The following RGS8 variants were observed in gnomAD, a reference collection of about 807,000 sequenced individuals.
The protein encoded by RGS8 is regulator of G protein signaling 8.
In RGS8, 8 loss-of-function variants were observed where a neutral mutation model predicts 21.7. The observed-to-expected ratio is 0.37, with a 90% confidence interval of 0.22 to 0.66. The LOEUF is 0.66. Among genes scored for constraint, RGS8 ranks in the 30% least tolerant of loss-of-function variants. RGS8 has a pLI of 0.59. For missense variants in RGS8, 157 were observed against 217.9 expected, an observed-to-expected ratio of 0.72 and a Z score of 1.76; for synonymous variants, 80 against 83.6, an observed-to-expected ratio of 0.96 and a Z score of 0.24.
chr1:182,742,574 C>T, the RGS8 span, among the ~76,000 whole-genome samples: 6 of 152,160 alleles, frequency 3.9e-5, no homozygotes, highest in African/African-American at 7.2e-5. Context: ...CCGTCACCAC[C>T]AAAAAAATAC....
the RGS8 span, among the ~76,000 whole-genome samples, chr1:182,715,018 C>A: frequency 6.6e-6 from 1 of 152,176 alleles, no homozygotes; most frequent in African/African-American, 2.4e-5. Flanking sequence ...ATTTTCAATG[C>A]GCCATAATCT....
intron 2 of RGS8, among the ~76,000 whole-genome samples, chr1:182,671,038 C>A (rs1664132615): frequency 6.6e-6 from 1 of 152,178 alleles, no homozygotes; most frequent in South Asian, 2.1e-4. Context: ...GAGACGACTA[C>A]CCACCTACAT....
chr1:182,709,860 T>A, the RGS8 span, among the ~76,000 whole-genome samples: 1 of 152,178 alleles, frequency 6.6e-6, no homozygotes, highest in Non-Finnish European at 1.5e-5. Flanking sequence ...TCCCTTAGGG[T>A]CATTATGTCA....
At chr1:182,736,709 A>T in the RGS8 span, among the ~76,000 whole-genome samples, 1 of 152,220 alleles carries the variant, frequency 6.6e-6, no homozygotes, top group Non-Finnish European at 1.5e-5. Context: ...TGTGCGCTGG[A>T]CCTAGCAACT....
intron 5 of RGS8, chr1:182,658,656 T>C (rs956258191): frequency 6.6e-6 from 1 of 152,226 alleles, no homozygotes; most frequent in African/African-American, 2.4e-5. Flanking sequence ...CAGCTCTTCT[T>C]TTGTGAAATC....
upstream of RGS8, among the ~76,000 whole-genome samples, chr1:182,684,751 G>C (rs76529958): frequency 1.3e-5 from 2 of 152,076 alleles, no homozygotes; most frequent in African/African-American, 2.4e-5. This position sits in a 1 kb window ranked among gnomAD's most constrained non-coding sequence, Gnocchi z 4.2. Flanking sequence ...AGCTGCCTCC[G>C]AGGGGCTGGT....
At chr1:182,693,371 C>T in the RGS8 span, among the ~76,000 whole-genome samples, 13 of 152,134 alleles carry the variant, frequency 8.5e-5, no homozygotes, top group Non-Finnish European at 1.8e-4. Flanking sequence ...TGAGAAAATG[C>T]TCAACATCAC....
upstream of RGS8, among the ~76,000 whole-genome samples, chr1:182,674,198 C>T (rs540071004): frequency 3.9e-5 from 6 of 152,282 alleles, no homozygotes; most frequent in East Asian, 5.8e-4. Context: ...CCAGTGTCCA[C>T]GGGGTAAAGG....
chr1:182,724,758 A>G, the RGS8 span, among the ~76,000 whole-genome samples: 24 of 152,240 alleles, frequency 1.6e-4, no homozygotes, highest in African/African-American at 5.5e-4. Context: ...GGGTTTCACC[A>G]TGTTGGTCAG....
chr1:182,705,809 A>G, the RGS8 span, among the ~76,000 whole-genome samples: 1 of 152,092 alleles, frequency 6.6e-6, no homozygotes, highest in South Asian at 2.1e-4. Flanking sequence ...TGTGCCCCTG[A>G]CTCAGCAAGG....
At chr1:182,655,251 A>G (rs1247319974) in intron 5 of RGS8, among the ~76,000 whole-genome samples, 1 of 152,212 alleles carries the variant, frequency 6.6e-6, no homozygotes, top group Non-Finnish European at 1.5e-5. Flanking sequence ...AACCTGAGGG[A>G]TGCCTGTGCC....
the RGS8 span, among the ~76,000 whole-genome samples, chr1:182,707,958 G>A: frequency 9.2e-5 from 14 of 152,044 alleles, no homozygotes; most frequent in Admixed American, 1.3e-4. Context: ...CACCCGCCTC[G>A]GCCTCCCAAA....
intron 3 of RGS8, among the ~76,000 whole-genome samples, chr1:182,667,717 G>T (rs1310406081): frequency 1.3e-5 from 2 of 152,098 alleles, no homozygotes; most frequent in Non-Finnish European, 2.9e-5. Flanking sequence ...ATTTTCCAAA[G>T]GACCTATATA....
the RGS8 span, among the ~76,000 whole-genome samples, chr1:182,700,551 G>A: frequency 7.2e-5 from 11 of 152,160 alleles, no homozygotes; most frequent in African/African-American, 2.7e-4. Flanking sequence ...GCTGCCTCTG[G>A]CGGCAGAAGA....
chr1:182,667,287 TG>T (rs1288671409), intron 3 of RGS8, among the ~76,000 whole-genome samples: 3 of 151,690 alleles, frequency 2.0e-5, no homozygotes, highest in Non-Finnish European at 4.4e-5. Flanking sequence ...GAAAATACAG[TG>T]ACAACAAAAT....
chr1:182,708,947 T>G, the RGS8 span, among the ~76,000 whole-genome samples: 2 of 152,202 alleles, frequency 1.3e-5, no homozygotes. Flanking sequence ...GGATGACCTG[T>G]GCGGCCTGCC....
the RGS8 span, among the ~76,000 whole-genome samples, chr1:182,740,017 C>T: frequency 6.6e-6 from 1 of 152,196 alleles, no homozygotes; most frequent in Non-Finnish European, 1.5e-5. Flanking sequence ...TGAAACTAGC[C>T]TCCAATCCAG....
At chr1:182,711,182 C>T in the RGS8 span, among the ~76,000 whole-genome samples, 1 of 152,198 alleles carries the variant, frequency 6.6e-6, no homozygotes. Flanking sequence ...TACCTCTGTA[C>T]TGAACCACTC....
At chr1:182,720,419 T>C in the RGS8 span, among the ~76,000 whole-genome samples, 27 of 152,224 alleles carry the variant, frequency 1.8e-4, no homozygotes, top group Non-Finnish European at 3.5e-4. Context: ...GCCTTTTAAG[T>C]AGAAGCTTTG....
Sources: allele counts gnomAD v4.1 joint callset (sites outside exome capture counted in the v4.1 genomes callset), GRCh38; gene constraint gnomAD v4.1.1; non-coding constraint Gnocchi (gnomAD v3.1); transcripts MANE v1.5; gene names NCBI Gene and HGNC (gene_info 2026-07-23, HGNC 2026-07-21).